DLG2: variants seen among roughly 807,000 people sequenced by gnomAD.
DLG2 encodes disks large homolog 2.
A neutral mutation model predicts 132.5 loss-of-function variants in DLG2; 45 were observed. The ratio of observed to expected loss-of-function variants is 0.34; its 90% CI spans 0.27 to 0.44. The LOEUF (loss-of-function observed/expected upper bound fraction) is 0.44, where lower values mean the gene tolerates loss of function less well. Among genes scored for constraint, DLG2 ranks in the 20% least tolerant of loss-of-function variants. The probability of loss-of-function intolerance (pLI) is 1.00; values close to 1 mark genes in which losing one functional copy is unlikely to be tolerated. For missense variants in DLG2, 1,045 were observed against 1,196.9 expected (o/e 0.87, Z 1.87); for synonymous variants, 424 against 419.6 (o/e 1.01, Z -0.13).
intron 6 of DLG2, among the ~76,000 whole-genome samples, chr11:84,928,232 T>G (rs1002456151): frequency 6.6e-6 from 1 of 151,936 alleles, no homozygotes; most frequent in Non-Finnish European, 1.5e-5. Flanking sequence ...CTTTCTCTCT[T>G]AAAAACTCTA....
chr11:84,566,310 C>T (rs61898964), intron 6 of DLG2, among the ~76,000 whole-genome samples: 29,870 of 151,922 alleles, frequency 0.2, 3,079 homozygotes, highest in South Asian at 0.33. Flanking sequence ...AAACTCTAGT[C>T]AAGTAGAGTC....
intron 3 of DLG2, among the ~76,000 whole-genome samples, chr11:85,406,387 G>A (rs1414885985): frequency 2.6e-5 from 4 of 151,814 alleles, no homozygotes; most frequent in Non-Finnish European, 2.9e-5. Context: ...GGAAGTGGAG[G>A]AAATTCTGAA....
chr11:84,632,919 A>G (rs1354481739), intron 6 of DLG2, among the ~76,000 whole-genome samples: 1 of 152,212 alleles, frequency 6.6e-6, no homozygotes, highest in Non-Finnish European at 1.5e-5. Flanking sequence ...AAAAGGACAC[A>G]TTAAATGTAT....
intron 18 of DLG2, 57 bp downstream of exon 18, chr11:83,786,633 G>A: frequency 7.0e-7 from 1 of 1,427,880 alleles, no homozygotes; most frequent in Non-Finnish European, 9.9e-7. Context: ...TTAGTAATGA[G>A]GGTACAGATC....
chr11:83,833,551 T>A, intron 17 of DLG2, 63 bp downstream of exon 17: 2 of 1,497,118 alleles, frequency 1.3e-6, no homozygotes, highest in Non-Finnish European at 1.8e-6. Context: ...TAATTGAAAG[T>A]TATGACTTTT....
chr11:83,987,269 G>A (rs1299456042), intron 11 of DLG2, among the ~76,000 whole-genome samples: 1 of 152,018 alleles, frequency 6.6e-6, no homozygotes, highest in African/African-American at 2.4e-5. Flanking sequence ...TGGCCATACC[G>A]CCCAAGGTAA....
chr11:83,499,852 G>GATATATATATATATAT (rs60890814), intron 21 of DLG2, among the ~76,000 whole-genome samples: 2 of 61,644 alleles, frequency 3.2e-5, no homozygotes, highest in African/African-American at 4.9e-5. Flanking sequence ...ACTAATAGGA[G>GATATATATATATATAT]ATATATATAT....
chr11:84,809,096 A>T (rs2076291876), intron 6 of DLG2, among the ~76,000 whole-genome samples: 1 of 152,048 alleles, frequency 6.6e-6, no homozygotes, highest in African/African-American at 2.4e-5. Flanking sequence ...ACCATGATCA[A>T]GTGGAGGTCA....
In DLG2 at chr11:85,022,789, C is replaced by G. The variant is rs117355324; in HGVS notation, c.357+88872G>C. Among the ~76,000 whole-genome samples, 182 of 152,134 alleles carry G rather than the reference C, an allele frequency of 1.2e-3. No individual in the cohort carries two copies. The East Asian group carries it at 0.031, about 26-fold the overall frequency. Reference sequence around the variant, plus strand: ...GAAACTTAAAAGTTATTTTTCCAATCAATACTTTAATCCATCCATAAGAAC... The same window carrying G: ...GAAACTTAAAAGTTATTTTTCCAATGAATACTTTAATCCATCCATAAGAAC... On this transcript the variant is annotated intron_variant, in intron 6 of 27. Coordinates refer to ENST00000376104, the MANE Select transcript of DLG2 (RefSeq NM_001142699.3).
chr11:84,412,136 G>C (rs1404712895), intron 7 of DLG2, among the ~76,000 whole-genome samples: 1 of 152,036 alleles, frequency 6.6e-6, no homozygotes, highest in Non-Finnish European at 1.5e-5. Context: ...AATGGCAATA[G>C]TGATGGTGAT....
At chr11:85,611,441 A>G (rs1420475922) in intron 2 of DLG2, among the ~76,000 whole-genome samples, 3 of 152,230 alleles carry the variant, frequency 2.0e-5, no homozygotes, top group African/African-American at 7.2e-5. Context: ...GGAACCAATC[A>G]GCATGACTGC....
intron 4 of DLG2, among the ~76,000 whole-genome samples, chr11:85,284,652 C>T (rs751220850): frequency 5.3e-5 from 8 of 151,828 alleles, no homozygotes; most frequent in Admixed American, 2.0e-4. Flanking sequence ...TGTTTGATTC[C>T]ATAATTCTAT....
At chr11:84,915,959 G>A (rs1238128726) in intron 6 of DLG2, among the ~76,000 whole-genome samples, 1 of 152,080 alleles carries the variant, frequency 6.6e-6, no homozygotes, top group Non-Finnish European at 1.5e-5. Flanking sequence ...ATCCCCTGAG[G>A]ATCAGAAGAA....
chr11:85,322,375 T>G (rs1212519468), intron 3 of DLG2, among the ~76,000 whole-genome samples: 3 of 152,168 alleles, frequency 2.0e-5, no homozygotes, highest in Non-Finnish European at 2.9e-5. Flanking sequence ...CTTGGAAATT[T>G]TGGATGAAAA....
chr11:85,264,863 T>A (rs2077124439), intron 4 of DLG2, among the ~76,000 whole-genome samples: 1 of 152,224 alleles, frequency 6.6e-6, no homozygotes, highest in Non-Finnish European at 1.5e-5. Flanking sequence ...TAATTTGTTC[T>A]TAAAATCTTC....
chr11:85,618,969 T>C (rs1007518610), intron 2 of DLG2, among the ~76,000 whole-genome samples: 12 of 152,224 alleles, frequency 7.9e-5, no homozygotes, highest in Non-Finnish European at 1.0e-4. Flanking sequence ...ACTCTCCCAA[T>C]AGATATGTAA....
At chr11:84,125,111 A>T (rs2094115467) in intron 9 of DLG2, among the ~76,000 whole-genome samples, 2 of 151,940 alleles carry the variant, frequency 1.3e-5, no homozygotes, top group African/African-American at 4.8e-5. Context: ...CGGCCTCCCA[A>T]AGTGCTGGGA....
chr11:84,876,274 T>C lies in DLG2; in HGVS notation c.357+235387A>G, dbSNP rs568809432. Among the ~76,000 whole-genome samples, 3 of 152,316 alleles carry C rather than the reference T, an allele frequency of 2.0e-5. No homozygotes were observed. In the East Asian group the frequency reaches 5.8e-4, roughly 29 times the overall value. ...AGAAGGAATGATACCAGCTCCTCTT[T>C]GTACCTCTGGTAGAATTTGGCTATG... On this transcript the variant is annotated intron_variant, in intron 6 of 27. Transcript: ENST00000376104.
At chr11:84,627,038 T>C (rs2154543199) in intron 6 of DLG2, among the ~76,000 whole-genome samples, 1 of 151,972 alleles carries the variant, frequency 6.6e-6, no homozygotes, top group East Asian at 1.9e-4. Context: ...CGCCCGCTAA[T>C]TTTCGTATTT....
Sources: gnomAD v4.1 joint callset for allele counts (sites outside exome capture counted in the v4.1 genomes callset) on GRCh38, gnomAD v4.1.1 for gene constraint, MANE v1.5 for transcripts, NCBI Gene and HGNC (gene_info 2026-07-23, HGNC 2026-07-21) for gene names.